Variants in SASH1 observed in about 807,000 individuals in gnomAD.
The protein encoded by SASH1 is SAM and SH3 domain containing 1.
Under a neutral mutation model 125.2 loss-of-function variants are expected in SASH1, and 44 were observed. That is an observed-to-expected ratio of 0.35 (90% CI 0.28 to 0.45). SASH1 has a LOEUF of 0.45. SASH1 is among the 20% of genes least tolerant of loss of function. The pLI, the probability that SASH1 is intolerant of heterozygous loss-of-function variation, is 1.00. For synonymous variants in SASH1, 639 were observed against 649.1 expected (o/e 0.98, Z 0.24); for missense variants, 1,426 against 1,614.5 (o/e 0.88, Z 2.00).
intron 4 of SASH1, among the ~76,000 whole-genome samples, chr6:148,447,723 A>ATCCTCCTCCTCCTCT (rs1411953912): frequency 2.4e-5 from 2 of 82,352 alleles, no homozygotes; most frequent in African/African-American, 4.1e-5. Flanking sequence ...CCTCCTCCTC[A>ATCCTCCTCCTCCTCT]TCCTCCTCCT....
At chr6:148,206,458 G>A in the SASH1 span, among the ~76,000 whole-genome samples, 5 of 151,986 alleles carry the variant, frequency 3.3e-5, no homozygotes, top group South Asian at 8.3e-4. Context: ...CTAGCATAAA[G>A]CCAATATAAC....
intron 8 of SASH1, among the ~76,000 whole-genome samples, chr6:148,496,646 C>T (rs1403885335): frequency 4.6e-5 from 7 of 152,128 alleles, no homozygotes; most frequent in Non-Finnish European, 5.9e-5. Context: ...AATGCCAGCA[C>T]TTTGGGACGC....
chr6:148,407,654 A>T (rs58860179), intron 2 of SASH1, among the ~76,000 whole-genome samples: 29,782 of 152,084 alleles, frequency 0.2, 3,004 homozygotes, highest in East Asian at 0.26. Context: ...TTGTTTTGAG[A>T]TGGAGTCTTG....
intron 1 of SASH1, among the ~76,000 whole-genome samples, chr6:148,372,711 A>G (rs79896636): frequency 7.0e-5 from 1 of 14,238 alleles, no homozygotes; most frequent in Non-Finnish European, 1.8e-4. Context: ...TTGTTCGTTC[A>G]TTCATTCATT....
the SASH1 span, among the ~76,000 whole-genome samples, chr6:148,218,334 A>T: frequency 1.3e-5 from 2 of 152,242 alleles, no homozygotes; most frequent in Non-Finnish European, 2.9e-5. Context: ...ATGGTCACAC[A>T]ATAAGACCCC....
At chr6:148,207,186 G>T in the SASH1 span, among the ~76,000 whole-genome samples, 2 of 152,128 alleles carry the variant, frequency 1.3e-5, no homozygotes, top group African/African-American at 4.8e-5. Flanking sequence ...CTGTCCCCTG[G>T]CCCCTCCCAT....
rs369313583 is a variant in SASH1 at position 148,510,766 on chromosome 6, C to T, written c.730-3558C>T. 5.5e-4 allele frequency among the ~76,000 whole-genome samples: 84 copies of T among 152,054 alleles called. No homozygotes were observed. The South Asian group carries it at 0.01, about 18-fold the overall frequency. On this transcript the variant is annotated intron_variant, in intron 8 of 19. Transcript: ENST00000367467. ...ATCCCAGCACTTTGAGAGGCTGAGG[C>T]GGGCAGATTACCTGAGAGTCAGGAG...
At chr6:148,427,373 G>C (rs765855013) in intron 2 of SASH1, among the ~76,000 whole-genome samples, 5 of 152,178 alleles carry the variant, frequency 3.3e-5, no homozygotes, top group Admixed American at 2.0e-4. Context: ...TAACTAAAAT[G>C]TCTTCATGGA....
At position 148,548,312 on chromosome 6, in the gene SASH1, C is replaced by CA. The variant is rs1782679338; in HGVS notation, c.3499dup (p.Thr1167AsnfsTer79). The CA allele has an allele frequency of 6.2e-7, 1 of 1,612,434 alleles. No homozygotes were observed. Among genetic ancestry groups the CA allele is most frequent in the Non-Finnish European group, 8.5e-7 (1 of 1,179,270 alleles). On this transcript the variant is annotated frameshift_variant, in exon 20 of 20. Transcript: ENST00000367467. LOFTEE classifies it high-confidence loss of function. ...TTATCCAGATTCCAAGTGGTGGACT[C>CA]ACGGAAATCTGCCGAAAGCCCGTCT...
At chr6:148,410,427 G>A (rs1026187094) in intron 2 of SASH1, among the ~76,000 whole-genome samples, 2 of 152,032 alleles carry the variant, frequency 1.3e-5, no homozygotes, top group African/African-American at 4.8e-5. Flanking sequence ...TGGGGCGGCT[G>A]TATGTTTTTG....
upstream of SASH1, among the ~76,000 whole-genome samples, chr6:148,269,935 C>T (rs1206132610): frequency 2.0e-5 from 3 of 152,182 alleles, no homozygotes; most frequent in Non-Finnish European, 2.9e-5. Flanking sequence ...TGTGTACCTC[C>T]CACAAGTGTG....
chr6:148,389,611 A>T (rs761805723), intron 1 of SASH1, among the ~76,000 whole-genome samples: 14 of 152,196 alleles, frequency 9.2e-5, no homozygotes, highest in Non-Finnish European at 1.9e-4. Flanking sequence ...GCAATTCTCT[A>T]TCGGTTCCTG....
chr6:148,388,595 C>T (rs905523687), intron 1 of SASH1, among the ~76,000 whole-genome samples: 2 of 152,162 alleles, frequency 1.3e-5, no homozygotes, highest in South Asian at 2.1e-4. Flanking sequence ...TTTTCTGAAG[C>T]GTCATTTTTT....
At chr6:148,332,056 G>A (rs989840412) in intron 1 of SASH1, among the ~76,000 whole-genome samples, 4 of 152,120 alleles carry the variant, frequency 2.6e-5, no homozygotes, top group Non-Finnish European at 5.9e-5. Context: ...AGCCTGTTCT[G>A]CTGTCTGCAC....
rs563374883 is a variant in SASH1 at position 148,387,577 on chromosome 6, T to C, written c.157-2557T>C. ...CCTTTCTTTCTTTTCTCTTTCTTTC[T>C]TTCTTTCTTTCTTTCTTTCTTTCTT... On this transcript the variant is annotated intron_variant, in intron 1 of 19. Transcript: ENST00000367467. Among the ~76,000 whole-genome samples the C allele has an allele frequency of 1.5e-3, 8 of 5,436 alleles. No individual in the cohort carries two copies. The South Asian group carries it at 0.08, about 54-fold the overall frequency. The allele number at this position is 5,436 out of a possible 152,430, so 3.6% of individuals were successfully genotyped here. A position where few individuals can be genotyped will look rare whatever the true frequency, so the allele number is the denominator to read the frequency against.
At chr6:148,252,838 A>G in the SASH1 span, among the ~76,000 whole-genome samples, 1 of 152,126 alleles carries the variant, frequency 6.6e-6, no homozygotes, top group African/African-American at 2.4e-5. Context: ...CTAACACATC[A>G]ACCCTATTTG....
chr6:148,495,451 T>C lies in SASH1; in HGVS notation c.729+7736T>C, dbSNP rs924692793. Among the ~76,000 whole-genome samples, 1 of 152,218 alleles carries C rather than the reference T, an allele frequency of 6.6e-6. No homozygotes were observed. The highest frequency in any genetic ancestry group is 1.5e-5 in the Non-Finnish European group (1 of 68,040). The stretch of plus-strand genomic sequence containing the variant: ...TTGCTGTGTTTATTTTGAATTTTAT[T>C]TTATTTTATTTTTTACTAGAGTAAC... On this transcript the variant is annotated intron_variant, in intron 8 of 19. Transcript: ENST00000367467. The surrounding 1 kb of genome is among the most constrained non-coding windows in gnomAD (Gnocchi z 4.0).
chr6:148,491,456 G>C (rs1048545127), intron 8 of SASH1, among the ~76,000 whole-genome samples: 4 of 152,100 alleles, frequency 2.6e-5, no homozygotes, highest in African/African-American at 4.8e-5. Flanking sequence ...TTTTAGTAGA[G>C]ATGGGGTTTC....
chr6:148,244,666 T>G, the SASH1 span, among the ~76,000 whole-genome samples: 1 of 151,960 alleles, frequency 6.6e-6, no homozygotes, highest in Non-Finnish European at 1.5e-5. Context: ...CTCCTGCTGT[T>G]GTTGTTGCTG....
Sources: gnomAD v4.1 joint callset for allele counts (sites outside exome capture counted in the v4.1 genomes callset) on GRCh38, gnomAD v4.1.1 for gene constraint, Gnocchi (gnomAD v3.1) non-coding constraint, MANE v1.5 for transcripts, NCBI Gene and HGNC (gene_info 2026-07-23, HGNC 2026-07-21) for gene names.